Variants in EFNA5 observed in about 807,000 individuals in gnomAD.
The protein encoded by EFNA5 is ephrin A5.
EFNA5 carries 5 observed loss-of-function variants against 22.9 expected under a neutral mutation model. The ratio of observed to expected loss-of-function variants is 0.22; its 90% CI spans 0.11 to 0.46. The LOEUF (loss-of-function observed/expected upper bound fraction) is 0.46, where lower values mean the gene tolerates loss of function less well. EFNA5 is among the 20% of genes least tolerant of loss of function. The pLI is 0.99. For synonymous variants in EFNA5, 113 were observed against 112.2 expected, an observed-to-expected ratio of 1.01 and a Z score of -0.04; for missense variants, 237 against 293.3, an observed-to-expected ratio of 0.81 and a Z score of 1.40.
At chr5:107,398,280 C>G (rs1179742962) in intron 2 of EFNA5, among the ~76,000 whole-genome samples, 1 of 152,204 alleles carries the variant, frequency 6.6e-6, no homozygotes, top group Non-Finnish European at 1.5e-5. Context: ...CCTCTGGCCA[C>G]TTGAGGTATG....
intron 1 of EFNA5, among the ~76,000 whole-genome samples, chr5:107,568,062 C>T (rs1401305086): frequency 2.6e-5 from 4 of 151,914 alleles, no homozygotes; most frequent in Non-Finnish European, 5.9e-5. Flanking sequence ...ATGCCCAGCT[C>T]GTTTTAATTT....
intron 1 of EFNA5, among the ~76,000 whole-genome samples, chr5:107,657,416 C>A (rs907400806): frequency 6.6e-6 from 1 of 151,982 alleles, no homozygotes; most frequent in Non-Finnish European, 1.5e-5. Context: ...GCTTGTCACC[C>A]CCAAATTCAC....
chr5:107,387,394 TCTC>T (rs1747656081), intron 3 of EFNA5, 79 bp from the exon 4 acceptor site: 2 of 973,972 alleles, frequency 2.1e-6, no homozygotes, highest in Non-Finnish European at 3.1e-6. Context: ...TTTTTCTTTC[TCTC>T]CTTTTTTTCT....
At chr5:107,511,779 A>T (rs1333166715) in intron 1 of EFNA5, among the ~76,000 whole-genome samples, 1 of 142,872 alleles carries the variant, frequency 7.0e-6, no homozygotes, top group Non-Finnish European at 1.5e-5. Context: ...TTATCTATCA[A>T]TGCATACATA....
chr5:107,426,931 G>A (rs1227470232), intron 2 of EFNA5: 1 of 307,234 alleles, frequency 3.3e-6, no homozygotes, highest in Admixed American at 4.7e-5. Context: ...TTCTTTTCCT[G>A]AGCTTTGGAG....
intron 1 of EFNA5, among the ~76,000 whole-genome samples, chr5:107,607,894 C>T (rs757335829): frequency 1.3e-5 from 2 of 152,158 alleles, no homozygotes; most frequent in Non-Finnish European, 2.9e-5. Context: ...CCCCCTAACA[C>T]TTCTCTCATA....
At chr5:107,580,474 C>A (rs1749018403) in intron 1 of EFNA5, among the ~76,000 whole-genome samples, 1 of 151,984 alleles carries the variant, frequency 6.6e-6, no homozygotes, top group Non-Finnish European at 1.5e-5. Flanking sequence ...CCTGTAATCC[C>A]AGCACTTTGG....
chr5:107,626,600 A>C (rs566854658), intron 1 of EFNA5, among the ~76,000 whole-genome samples: 14 of 152,292 alleles, frequency 9.2e-5, no homozygotes, highest in African/African-American at 1.7e-4. Context: ...TAAATTGCTA[A>C]TGAGAATGAA....
At chr5:107,640,305 T>A (rs547303356) in intron 1 of EFNA5, among the ~76,000 whole-genome samples, 1 of 152,002 alleles carries the variant, frequency 6.6e-6, no homozygotes, top group South Asian at 2.1e-4. Flanking sequence ...TCCAGAAGTA[T>A]GAGAAGAATA....
chr5:107,521,789 T>TAAA (rs2112443822), intron 1 of EFNA5, among the ~76,000 whole-genome samples: 1 of 152,298 alleles, frequency 6.6e-6, no homozygotes, highest in South Asian at 2.1e-4. Flanking sequence ...GCATAAATTG[T>TAAA]AAGTTGAAGA....
intron 1 of EFNA5, among the ~76,000 whole-genome samples, chr5:107,604,784 T>A (rs1218434610): frequency 6.6e-6 from 1 of 152,124 alleles, no homozygotes; most frequent in Non-Finnish European, 1.5e-5. Context: ...CCCTACATGA[T>A]TCTGATCTGC....
chr5:107,579,585 G>T (rs761906723), intron 1 of EFNA5, among the ~76,000 whole-genome samples: 1 of 151,106 alleles, frequency 6.6e-6, no homozygotes, highest in Non-Finnish European at 1.5e-5. Flanking sequence ...TTCCATACCA[G>T]AATAATAATA....
At chr5:107,546,803 A>C (rs1419939243) in intron 1 of EFNA5, among the ~76,000 whole-genome samples, 1 of 152,146 alleles carries the variant, frequency 6.6e-6, no homozygotes, top group East Asian at 1.9e-4. Context: ...TAATAACTCC[A>C]AGAACATATC....
At chr5:107,536,225 G>T (rs1373587436) in intron 1 of EFNA5, among the ~76,000 whole-genome samples, 1 of 152,142 alleles carries the variant, frequency 6.6e-6, no homozygotes, top group East Asian at 1.9e-4. Context: ...ACATTAAATG[G>T]TGGCACATGG....
At chr5:107,604,772 C>A (rs993726697) in intron 1 of EFNA5, among the ~76,000 whole-genome samples, 1 of 152,046 alleles carries the variant, frequency 6.6e-6, no homozygotes, top group Admixed American at 6.6e-5. Context: ...AATGTTTAAG[C>A]GCCCTACATG....
At chr5:107,438,115 C>A (rs537837459) in intron 1 of EFNA5, among the ~76,000 whole-genome samples, 1 of 152,292 alleles carries the variant, frequency 6.6e-6, no homozygotes, top group African/African-American at 2.4e-5. Context: ...GTGCACTTAG[C>A]CAAAGCTGCT....
chr5:107,477,777 G>A (rs1229211225), intron 1 of EFNA5, among the ~76,000 whole-genome samples: 1 of 151,968 alleles, frequency 6.6e-6, no homozygotes, highest in East Asian at 1.9e-4. Context: ...TTTTTTTTAA[G>A]TTAGGTAAAA....
chr5:107,659,479 G>T (rs1433927877), intron 1 of EFNA5, among the ~76,000 whole-genome samples: 1 of 143,996 alleles, frequency 6.9e-6, no homozygotes, highest in East Asian at 2.0e-4. Context: ...CTAAAAGTTT[G>T]AGTTTTTTGG....
intron 1 of EFNA5, among the ~76,000 whole-genome samples, chr5:107,522,675 G>A (rs1747621908): frequency 1.3e-5 from 2 of 152,158 alleles, no homozygotes; most frequent in Admixed American, 6.6e-5. Flanking sequence ...ATATGCATGA[G>A]TTGCTATGCC....
Sources: gnomAD v4.1 joint callset for allele counts (sites outside exome capture counted in the v4.1 genomes callset) on GRCh38, gnomAD v4.1.1 for gene constraint, MANE v1.5 for transcripts, NCBI Gene and HGNC (gene_info 2026-07-23, HGNC 2026-07-21) for gene names.